MFHAS1: variants seen among roughly 807,000 people sequenced by gnomAD.
The protein encoded by MFHAS1 is multifunctional ROCO family signaling regulator 1.
MFHAS1 carries 50 observed loss-of-function variants against 70.4 expected under a neutral mutation model. That is an observed-to-expected ratio of 0.71 (90% CI 0.57 to 0.90). MFHAS1 has a LOEUF of 0.90. MFHAS1 is among the 40% of genes least tolerant of loss of function. The probability of loss-of-function intolerance (pLI) is 0.00; values close to 1 mark genes in which losing one functional copy is unlikely to be tolerated. For missense variants in MFHAS1, 1,795 were observed against 1,347.6 expected, an observed-to-expected ratio of 1.33 and a Z score of -5.20; for synonymous variants, 952 against 620.0, an observed-to-expected ratio of 1.54 and a Z score of -7.96.
At chr8:8,888,200 T>A (rs1032961825) in intron 1 of MFHAS1, among the ~76,000 whole-genome samples, 10 of 152,252 alleles carry the variant, frequency 6.6e-5, no homozygotes, top group African/African-American at 2.4e-4. Context: ...AGTTGACTGG[T>A]AACTGAATAC....
intron 1 of MFHAS1, among the ~76,000 whole-genome samples, chr8:8,881,520 C>G (rs749283762): frequency 1.3e-5 from 2 of 152,180 alleles, no homozygotes; most frequent in African/African-American, 2.4e-5. Flanking sequence ...ACCTCACGCT[C>G]CTCACCATCT....
At position 8,797,365 on chromosome 8, in the gene MFHAS1, T is replaced by C. The variant is rs1243477886; in HGVS notation, c.3125A>G (p.Lys1042Arg). Residue 1042 changes from lysine to arginine, a missense_variant and splice_region_variant, in exon 2 of 3, where the codon AAG becomes AGG. Coordinates refer to ENST00000276282, the MANE Select transcript of MFHAS1 (RefSeq NM_004225.3). The part of the protein sequence containing the change: ...PTPTVISPCS[K>R]KNVGEKHRNQ ...GGCCAGAGGGACTTTGAGAACTCACTTGGAACAGGGGCTGATCACAGTCGG... is the reference window on the plus strand; with the variant it reads ...GGCCAGAGGGACTTTGAGAACTCACCTGGAACAGGGGCTGATCACAGTCGG... 2 of 1,613,694 alleles carry C rather than the reference T, an allele frequency of 1.2e-6. No individual in the cohort carries two copies. The highest frequency in any genetic ancestry group is 1.3e-5 in the African/African-American group (1 of 74,896).
intron 1 of MFHAS1, among the ~76,000 whole-genome samples, chr8:8,807,799 G>C (rs1048624501): frequency 6.6e-6 from 1 of 152,140 alleles, no homozygotes; most frequent in African/African-American, 2.4e-5. Context: ...GGAGAGCTAA[G>C]GCCTTCTACA....
intron 1 of MFHAS1, among the ~76,000 whole-genome samples, chr8:8,843,106 A>C (rs1262945566): frequency 1.3e-5 from 2 of 151,122 alleles, no homozygotes; most frequent in African/African-American, 4.9e-5. Context: ...TCTACTAAAA[A>C]TACAAAAAAA....
At chr8:8,830,368 A>G (rs745596323) in intron 1 of MFHAS1, among the ~76,000 whole-genome samples, 11 of 152,236 alleles carry the variant, frequency 7.2e-5, no homozygotes, top group Non-Finnish European at 1.2e-4. Flanking sequence ...GTTTTCATCA[A>G]ACGATTTGGC....
intron 1 of MFHAS1, among the ~76,000 whole-genome samples, chr8:8,832,062 GCACACACACA>G (rs59984727): frequency 6.7e-6 from 1 of 149,494 alleles, no homozygotes; most frequent in African/African-American, 2.5e-5. Flanking sequence ...GCGCGCGCGC[GCACACACACA>G]CACACACACA....
intron 1 of MFHAS1, among the ~76,000 whole-genome samples, chr8:8,889,610 T>G (rs1809909239): frequency 6.6e-6 from 1 of 152,098 alleles, no homozygotes; most frequent in African/African-American, 2.4e-5. Flanking sequence ...CTCACGAAAA[T>G]TTAAGTTTTT....
At chr8:8,788,138 T>A (rs990397863) in intron 2 of MFHAS1, among the ~76,000 whole-genome samples, 3 of 152,220 alleles carry the variant, frequency 2.0e-5, no homozygotes, top group Non-Finnish European at 4.4e-5. Context: ...TCAATTATAA[T>A]TAGACTCTGA....
At chr8:8,857,088 C>T (rs368626570) in intron 1 of MFHAS1, among the ~76,000 whole-genome samples, 1 of 150,864 alleles carries the variant, frequency 6.6e-6, no homozygotes, top group Non-Finnish European at 1.5e-5. Context: ...TAGAGAGGCA[C>T]TGCCAAATTC....
At chr8:8,814,901 G>A (rs1806683221) in intron 1 of MFHAS1, among the ~76,000 whole-genome samples, 1 of 146,692 alleles carries the variant, frequency 6.8e-6, no homozygotes, top group Non-Finnish European at 1.5e-5. Context: ...TGTACAGGAT[G>A]TGCAGGTTTG....
intron 1 of MFHAS1, among the ~76,000 whole-genome samples, chr8:8,865,230 T>C (rs1808811993): frequency 2.1e-5 from 3 of 141,870 alleles, no homozygotes; most frequent in African/African-American, 5.3e-5. Context: ...TAAGCCAAGA[T>C]TGTGCCACTG....
chr8:8,802,206 T>C (rs886872283), intron 1 of MFHAS1, among the ~76,000 whole-genome samples: 1 of 152,136 alleles, frequency 6.6e-6, no homozygotes, highest in Non-Finnish European at 1.5e-5. Flanking sequence ...AAGAGGAAAT[T>C]GAGGCTCAGA....
intron 1 of MFHAS1, among the ~76,000 whole-genome samples, chr8:8,804,778 C>G (rs1015362240): frequency 3.3e-5 from 5 of 152,222 alleles, no homozygotes; most frequent in Admixed American, 1.3e-4. Context: ...GCCAGGGAAG[C>G]CGTGCCAGGC....
rs754379685 is a variant in MFHAS1 at position 8,892,444 on chromosome 8, G to C, written c.615C>G (p.Ala205=). ...AFPRQLLQLV[A]LEELDVSSNR... Reference sequence around the variant, plus strand: ...TGCTGGACACGTCCAGCTCCTCCAGGGCCACCAGCTGCAGCAGCTGCCGGG... The same window carrying C: ...TGCTGGACACGTCCAGCTCCTCCAGCGCCACCAGCTGCAGCAGCTGCCGGG... The change falls in exon 1 of 3, where the codon GCC becomes GCG. Residue 205 remains alanine (A), a synonymous_variant. Coordinates refer to ENST00000276282, the MANE Select transcript of MFHAS1 (RefSeq NM_004225.3). The surrounding 1 kb of genome is among the most constrained non-coding windows in gnomAD (Gnocchi z 4.7). 1.4e-5 allele frequency: 22 copies of C among 1,611,766 alleles called. No homozygotes were observed. The highest frequency in any genetic ancestry group is 1.9e-5 in the Non-Finnish European group (22 of 1,179,216).
intron 1 of MFHAS1, among the ~76,000 whole-genome samples, chr8:8,842,737 C>T (rs909733243): frequency 6.6e-6 from 1 of 152,090 alleles, no homozygotes; most frequent in Non-Finnish European, 1.5e-5. Flanking sequence ...TCGGACAGCA[C>T]GTTAAAGCTA....
At chr8:8,826,619 G>C (rs1807173200) in intron 1 of MFHAS1, among the ~76,000 whole-genome samples, 1 of 152,164 alleles carries the variant, frequency 6.6e-6, no homozygotes, top group African/African-American at 2.4e-5. Flanking sequence ...TGTAGTCCCA[G>C]CTACTCGGGA....
chr8:8,832,463 T>C (rs1287718885), intron 1 of MFHAS1, among the ~76,000 whole-genome samples: 1 of 124,796 alleles, frequency 8.0e-6, no homozygotes, highest in East Asian at 2.3e-4. Context: ...ACAGAGCCAG[T>C]AACCACAGAA....
intron 1 of MFHAS1, among the ~76,000 whole-genome samples, chr8:8,804,515 T>A (rs946963354): frequency 6.6e-6 from 1 of 152,204 alleles, no homozygotes; most frequent in African/African-American, 2.4e-5. Context: ...GTAGGGTAAA[T>A]AAACCAGGCC....
At chr8:8,827,166 C>T (rs911484257) in intron 1 of MFHAS1, among the ~76,000 whole-genome samples, 1 of 152,156 alleles carries the variant, frequency 6.6e-6, no homozygotes, top group Non-Finnish European at 1.5e-5. Context: ...ATTTTTAACA[C>T]TACACAATAT....
Sources: gnomAD v4.1 joint callset for allele counts (sites outside exome capture counted in the v4.1 genomes callset) on GRCh38, gnomAD v4.1.1 for gene constraint, Gnocchi (gnomAD v3.1) non-coding constraint, MANE v1.5 for transcripts, NCBI Gene and HGNC (gene_info 2026-07-23, HGNC 2026-07-21) for gene names.